The following TUBGCP3 variants were observed in gnomAD, a reference collection of about 807,000 sequenced individuals.
TUBGCP3 encodes the protein tubulin gamma complex component 3, also known as gamma-tubulin complex component 3.
In TUBGCP3, 50 loss-of-function variants were observed where a neutral mutation model predicts 123.1. The observed-to-expected ratio is 0.41, with a 90% CI of 0.32 to 0.51. The LOEUF (loss-of-function observed/expected upper bound fraction) is 0.51. Ranked by LOEUF, TUBGCP3 falls within the 20% of genes least tolerant of loss-of-function variation. The pLI is 0.36. For missense variants in TUBGCP3, 882 were observed against 1,127.0 expected (o/e 0.78, Z 3.11); for synonymous variants, 405 against 413.9 (o/e 0.98, Z 0.26).
the TUBGCP3 span, among the ~76,000 whole-genome samples, chr13:112,597,487 G>C: frequency 6.6e-6 from 1 of 152,202 alleles, no homozygotes; most frequent in African/African-American, 2.4e-5. Context: ...GACAACGAGT[G>C]TTTTGGAAAA....
Position 112,511,632 on chromosome 13 carries a change from T to C in TUBGCP3, c.2086+4808A>G, listed in dbSNP as rs1430929792. ...ACACATTGAGAACATGAAAGCAATG[T>C]GTATCTTAGAAGTGATACAATATGG... On this transcript the variant is annotated intron_variant, in intron 17 of 21. Coordinates refer to ENST00000261965, the MANE Select transcript of TUBGCP3 (RefSeq NM_006322.6). This position sits in a 1 kb window ranked among gnomAD's most constrained non-coding sequence, Gnocchi z 4.1. Among the ~76,000 whole-genome samples, 1 of 152,020 alleles carries C rather than the reference T, an allele frequency of 6.6e-6. No individual in the cohort carries two copies. Among genetic ancestry groups the C allele is most frequent in the African/African-American group, 2.4e-5 (1 of 41,340 alleles).
chr13:112,545,583 G>A lies in TUBGCP3; in HGVS notation c.1335+116C>T, dbSNP rs1023519210. ...AAAATGTATATGGTATTCAATGGAA[G>A]TGCAGTTGCATTCCTGTTAGGAGAA... On this transcript the variant is annotated intron_variant, in intron 11 of 21. Coordinates refer to ENST00000261965, the MANE Select transcript of TUBGCP3 (RefSeq NM_006322.6). This position sits in a 1 kb window ranked among gnomAD's most constrained non-coding sequence, Gnocchi z 4.1. 74 of 1,168,230 alleles carry A rather than the reference G, an allele frequency of 6.3e-5. No individual in the cohort carries two copies. The highest frequency in any genetic ancestry group is 8.6e-5 in the Non-Finnish European group (69 of 801,558). 72.4% of individuals were successfully genotyped at this position (1,168,230 alleles called of 1,614,324 possible).
the TUBGCP3 span, among the ~76,000 whole-genome samples, chr13:112,599,164 A>G: frequency 6.6e-6 from 1 of 152,236 alleles, no homozygotes; most frequent in African/African-American, 2.4e-5. Context: ...GCATACTGTC[A>G]ACACGACTTG....
rs781219529 is a variant in TUBGCP3 at position 112,504,010 on chromosome 13, T to C, written c.2307+22A>G. 13 of 1,581,370 alleles carry C rather than the reference T, an allele frequency of 8.2e-6. No homozygotes were observed. In the Admixed American group the frequency reaches 2.3e-4, roughly 28 times the overall value. ...AAGATGATTCTTTTGGTTTCTTGTT[T>C]CTAAGCAGGTCGGAGTCTTACCCTG... On this transcript the variant is annotated intron_variant, in intron 19 of 21. Coordinates refer to ENST00000261965, the MANE Select transcript of TUBGCP3 (RefSeq NM_006322.6).
upstream of TUBGCP3, among the ~76,000 whole-genome samples, chr13:112,590,302 C>T (rs1008042712): frequency 3.9e-5 from 6 of 152,078 alleles, no homozygotes; most frequent in Admixed American, 1.3e-4. Context: ...CGTGCATACA[C>T]GATGTGACTC....
At chr13:112,531,837 A>C (rs1877603287) in intron 11 of TUBGCP3, among the ~76,000 whole-genome samples, 1 of 152,190 alleles carries the variant, frequency 6.6e-6, no homozygotes, top group African/African-American at 2.4e-5. Context: ...CAAGGTCAGA[A>C]TATAATTGCG....
intron 8 of TUBGCP3, among the ~76,000 whole-genome samples, chr13:112,549,798 G>A (rs1332056658): frequency 2.0e-5 from 3 of 151,754 alleles, no homozygotes; most frequent in Non-Finnish European, 4.4e-5. Context: ...GACCATCCTG[G>A]CTAACATGGT....
chr13:112,487,041 CA>C (rs1879716368), intron 21 of TUBGCP3, among the ~76,000 whole-genome samples: 1 of 146,232 alleles, frequency 6.8e-6, no homozygotes. Flanking sequence ...TCTGAGCAGG[CA>C]AACACTGTGT....
At position 112,508,702 on chromosome 13, in the gene TUBGCP3, T is replaced by C. The variant is rs1881464770; in HGVS notation, c.2087-3988A>G. ...TAAAAAATACTCAAATTAGCGTATT[T>C]GAATGGAATCACTATCCCCCCCAAA... On this transcript the variant is annotated intron_variant, in intron 17 of 21. Coordinates refer to ENST00000261965, the MANE Select transcript of TUBGCP3 (RefSeq NM_006322.6). The surrounding 1 kb of genome is among the most constrained non-coding windows in gnomAD (Gnocchi z 4.2). Among the ~76,000 whole-genome samples the C allele has an allele frequency of 6.6e-6, 1 of 152,158 alleles. No homozygotes were observed. Among genetic ancestry groups the C allele is most frequent in the African/African-American group, 2.4e-5 (1 of 41,436 alleles).
At chr13:112,568,846 T>C (rs529750207) in intron 2 of TUBGCP3, among the ~76,000 whole-genome samples, 12 of 152,290 alleles carry the variant, frequency 7.9e-5, no homozygotes, top group Admixed American at 2.6e-4. Context: ...TGAAGCAGGG[T>C]GGCAGAGCCC....
At chr13:112,515,000 A>G (rs976596032) in intron 17 of TUBGCP3, among the ~76,000 whole-genome samples, 7 of 152,204 alleles carry the variant, frequency 4.6e-5, no homozygotes, top group African/African-American at 1.4e-4. Flanking sequence ...TCAGCAGAAG[A>G]AGCTGGAGTC....
chr13:112,599,736 G>A, the TUBGCP3 span, among the ~76,000 whole-genome samples: 729 of 151,970 alleles, frequency 4.8e-3, 1 homozygote, highest in Admixed American at 8.9e-3. Flanking sequence ...GGCCAGGCTG[G>A]TCTCAAACTC....
At chr13:112,563,436 A>G (rs571187785) in intron 3 of TUBGCP3, among the ~76,000 whole-genome samples, 33 of 152,266 alleles carry the variant, frequency 2.2e-4, no homozygotes, top group African/African-American at 7.5e-4. Flanking sequence ...TCAGTCATGC[A>G]ATGAAAAAGC....
chr13:112,572,155 T>C (rs1376196460), intron 1 of TUBGCP3, among the ~76,000 whole-genome samples: 1 of 152,274 alleles, frequency 6.6e-6, no homozygotes, highest in East Asian at 1.9e-4. Context: ...GCTTCTCGCG[T>C]ATCTCAGCTT....
At chr13:112,503,732 T>C (rs1267391989) in intron 19 of TUBGCP3, among the ~76,000 whole-genome samples, 12 of 152,200 alleles carry the variant, frequency 7.9e-5, no homozygotes, top group Non-Finnish European at 1.8e-4. Context: ...TCAAAAGTCA[T>C]GGTTTTCTCT....
chr13:112,499,366 G>A (rs894463341), intron 19 of TUBGCP3, among the ~76,000 whole-genome samples, 181 bp from the exon 20 acceptor site: 2 of 152,178 alleles, frequency 1.3e-5, no homozygotes, highest in African/African-American at 2.4e-5. Context: ...GCTGAGCAGC[G>A]CTGTGCTGGG....
At chr13:112,601,943 A>T in the TUBGCP3 span, among the ~76,000 whole-genome samples, 2 of 152,180 alleles carry the variant, frequency 1.3e-5, no homozygotes, top group Non-Finnish European at 2.9e-5. Context: ...TGTTTTCATA[A>T]GTTATGATCA....
intron 17 of TUBGCP3, among the ~76,000 whole-genome samples, chr13:112,506,756 A>C (rs1881333336): frequency 6.6e-6 from 1 of 152,230 alleles, no homozygotes; most frequent in Admixed American, 6.5e-5. Flanking sequence ...CAAATCAAAT[A>C]ATACTCAAAA....
intron 11 of TUBGCP3, among the ~76,000 whole-genome samples, chr13:112,535,104 T>C (rs961835304): frequency 6.6e-6 from 1 of 152,250 alleles, no homozygotes. Flanking sequence ...ACCCACACTG[T>C]AGCAAGTATC....
Sources: allele counts gnomAD v4.1 joint callset (sites outside exome capture counted in the v4.1 genomes callset), GRCh38; gene constraint gnomAD v4.1.1; non-coding constraint Gnocchi (gnomAD v3.1); transcripts MANE v1.5; gene names NCBI Gene and HGNC (gene_info 2026-07-23, HGNC 2026-07-21).